ZNF532: variants seen among roughly 807,000 people sequenced by gnomAD.
ZNF532 encodes the protein zinc finger protein 532.
In ZNF532, 22 loss-of-function variants were observed where a neutral mutation model predicts 89.3. The observed-to-expected ratio is 0.25, with a 90% CI of 0.18 to 0.35. ZNF532 has a LOEUF of 0.35. ZNF532 is among the 10% of genes least tolerant of loss of function. The pLI is 1.00. For synonymous variants in ZNF532, 606 were observed against 649.6 expected (o/e 0.93, Z 1.02); for missense variants, 1,132 against 1,643.4 (o/e 0.69, Z 5.38).
rs564692719 is a variant in ZNF532, at chr18:58,951,767, T to A, written c.2869-1751T>A. On this transcript the variant is annotated intron_variant, in intron 6 of 9. Coordinates refer to ENST00000591808, the MANE Select transcript of ZNF532 (RefSeq NM_001375912.1). The stretch of plus-strand genomic sequence containing the variant: ...CGGGTTCATGCCATTCTCCTGCCTC[T>A]GCCTCCCAAGTAGATGGGACTACAG... Among the ~76,000 whole-genome samples the A allele has an allele frequency of 2.0e-5, 3 of 150,796 alleles. No individual in the cohort carries two copies. In the East Asian group the frequency reaches 6.0e-4, roughly 30 times the overall value.
intron 2 of ZNF532, among the ~76,000 whole-genome samples, chr18:58,871,966 T>A (rs2057021967): frequency 6.6e-6 from 1 of 152,270 alleles, no homozygotes. Context: ...AAGAATCTTT[T>A]GTTCCAACAA....
chr18:58,959,260 G>GTTTTTT (rs1459830009), intron 7 of ZNF532, among the ~76,000 whole-genome samples: 3 of 128,736 alleles, frequency 2.3e-5, no homozygotes, highest in African/African-American at 9.8e-5. Flanking sequence ...TTTGTTTTTT[G>GTTTTTT]TTTTTTTTTG....
intron 2 of ZNF532, among the ~76,000 whole-genome samples, chr18:58,890,933 C>G (rs957109430): frequency 1.3e-5 from 2 of 151,772 alleles, no homozygotes; most frequent in Non-Finnish European, 2.9e-5. Context: ...CAGCCTTGAC[C>G]TCCCGGGTTC....
intron 7 of ZNF532, among the ~76,000 whole-genome samples, chr18:58,968,732 A>G (rs761033539): frequency 6.6e-6 from 1 of 152,188 alleles, no homozygotes; most frequent in Non-Finnish European, 1.5e-5. Context: ...TCTTCATTGA[A>G]TCAGTGCTGA....
chr18:58,892,182 G>A (rs1469416232), intron 2 of ZNF532, among the ~76,000 whole-genome samples: 5 of 152,186 alleles, frequency 3.3e-5, no homozygotes, highest in Admixed American at 2.6e-4. Context: ...AAGCAAAAGA[G>A]TGAAACACAA....
chr18:58,863,916 C>T (rs931440030), upstream of ZNF532, among the ~76,000 whole-genome samples: 62 of 152,060 alleles, frequency 4.1e-4, no homozygotes, highest in African/African-American at 1.4e-3. Context: ...GCTCAGGCCC[C>T]TGGGCCTGCC....
At position 58,919,747 on chromosome 18, in the gene ZNF532, A is replaced by G. The variant is rs745883124; in HGVS notation, c.1460A>G (p.Gln487Arg). 2 of 1,614,176 alleles carry G rather than the reference A, an allele frequency of 1.2e-6. No homozygotes were observed. The highest frequency in any genetic ancestry group is 1.7e-5 in the Admixed American group (1 of 60,026). Residue 487 changes from glutamine to arginine, a missense_variant, in exon 3 of 10, where the codon CAG becomes CGG. Gln to Arg is a conservative substitution (Grantham distance 43). This residue lies in a region of ZNF532 where 97 missense variants were observed against 143.7 expected (regional missense o/e 0.68). Transcript: ENST00000591808. This position sits in a 1 kb window ranked among gnomAD's most constrained non-coding sequence, Gnocchi z 6.1. ...ACGGTCATATCTGCTGCCTCTGTCCAGAGTGCCAGCAGCGCCATCATTAAA... is the reference window on the plus strand; with the variant it reads ...ACGGTCATATCTGCTGCCTCTGTCCGGAGTGCCAGCAGCGCCATCATTAAA... ...KATVISAASV[Q>R]SASSAIIKAA...
At position 58,914,864 on chromosome 18, in the gene ZNF532, G is replaced by A. The variant is rs1253002254; in HGVS notation, c.-17-3407G>A. On this transcript the variant is annotated intron_variant, in intron 2 of 9. Coordinates refer to ENST00000591808, the MANE Select transcript of ZNF532 (RefSeq NM_001375912.1). ...TTTATCTTTTAAAAGAGAGGACTGA[G>A]ATTTATTTTTGTAATGTTTTTAAGC... Among the ~76,000 whole-genome samples the A allele has an allele frequency of 5.3e-5, 8 of 152,188 alleles. No individual in the cohort carries two copies. The East Asian group carries it at 1.3e-3, about 26-fold the overall frequency.
chr18:58,960,627 T>G (rs1435917237), intron 7 of ZNF532, among the ~76,000 whole-genome samples: 1 of 152,200 alleles, frequency 6.6e-6, no homozygotes. Flanking sequence ...AGGGACCAGT[T>G]GGTAGGTAGA....
At chr18:58,983,699 G>A (rs1291904497) in intron 9 of ZNF532, among the ~76,000 whole-genome samples, 3 of 151,618 alleles carry the variant, frequency 2.0e-5, no homozygotes, top group African/African-American at 7.3e-5. Context: ...ATCTAACTCC[G>A]CTGCCACAAA....
At chr18:58,970,171 G>C (rs754431427) in intron 7 of ZNF532, among the ~76,000 whole-genome samples, 1 of 152,020 alleles carries the variant, frequency 6.6e-6, no homozygotes, top group African/African-American at 2.4e-5. Flanking sequence ...GGCGTGAGCC[G>C]CTGTGCCCAA....
chr18:58,940,923 T>TACACACAC (rs200614911), intron 5 of ZNF532, among the ~76,000 whole-genome samples: 18,826 of 118,418 alleles, frequency 0.16, 1,731 homozygotes, highest in South Asian at 0.22. Flanking sequence ...TGCCATATTT[T>TACACACAC]ACACACACAC....
At chr18:58,944,868 T>C (rs1603264202) in intron 5 of ZNF532, among the ~76,000 whole-genome samples, 2 of 152,336 alleles carry the variant, frequency 1.3e-5, no homozygotes, top group African/African-American at 4.8e-5. Flanking sequence ...GTTGCAGTCA[T>C]TGGTCTGTCT....
intron 2 of ZNF532, among the ~76,000 whole-genome samples, chr18:58,892,110 A>C (rs2058943069): frequency 6.6e-6 from 1 of 152,004 alleles, no homozygotes; most frequent in Non-Finnish European, 1.5e-5. Context: ...AATTATTTTA[A>C]TGTCTCCATT....
At chr18:58,936,762 G>T (rs780992410) in intron 4 of ZNF532, among the ~76,000 whole-genome samples, 9 of 152,194 alleles carry the variant, frequency 5.9e-5, no homozygotes, top group Admixed American at 2.0e-4. Flanking sequence ...AATTTTAAAC[G>T]TAATTCTTTT....
intron 2 of ZNF532, among the ~76,000 whole-genome samples, chr18:58,870,809 G>T (rs985696269): frequency 6.6e-6 from 1 of 152,118 alleles, no homozygotes; most frequent in Non-Finnish European, 1.5e-5. Flanking sequence ...GGCTGTCTGG[G>T]GGTTGCTTGG....
intron 2 of ZNF532, among the ~76,000 whole-genome samples, chr18:58,889,379 T>C (rs73439915): frequency 0.099 from 15,144 of 152,216 alleles, 1,607 homozygotes; most frequent in African/African-American, 0.26. Context: ...TCTTGAGCCA[T>C]ATAACACATA....
At chr18:58,972,578 C>T (rs1406853080) in intron 7 of ZNF532, among the ~76,000 whole-genome samples, 1 of 152,116 alleles carries the variant, frequency 6.6e-6, no homozygotes, top group Non-Finnish European at 1.5e-5. Context: ...CGTCACCCAC[C>T]CACCCCTGAC....
chr18:58,933,874 T>C (rs1568359750), intron 3 of ZNF532, among the ~76,000 whole-genome samples: 1 of 152,228 alleles, frequency 6.6e-6, no homozygotes, highest in Non-Finnish European at 1.5e-5. Flanking sequence ...TTATAAATTA[T>C]ATCATGGCCA....
Sources: gnomAD v4.1 joint callset for allele counts (sites outside exome capture counted in the v4.1 genomes callset) on GRCh38, gnomAD v4.1.1 for gene constraint, gnomAD v4.1.1 regional missense constraint, Gnocchi (gnomAD v3.1) non-coding constraint, MANE v1.5 for transcripts, NCBI Gene and HGNC (gene_info 2026-07-23, HGNC 2026-07-21) for gene names.